The following RNF150 variants were observed in gnomAD, a reference collection of about 807,000 sequenced individuals.
The protein encoded by RNF150 is ring finger protein 150.
In RNF150, 24 loss-of-function variants were observed where a neutral mutation model predicts 39.3. That is an observed-to-expected ratio of 0.61 (90% CI 0.44 to 0.86). The LOEUF is 0.86. Among genes scored for constraint, RNF150 ranks in the 40% least tolerant of loss-of-function variants. The probability of loss-of-function intolerance (pLI) is 0.00; values close to 1 mark genes in which losing one functional copy is unlikely to be tolerated. For missense variants in RNF150, 502 were observed against 587.8 expected (o/e 0.85, Z 1.51); for synonymous variants, 255 against 227.3 (o/e 1.12, Z -1.10).
At chr4:141,192,199 G>A (rs1728121358) in intron 1 of RNF150, among the ~76,000 whole-genome samples, 1 of 152,064 alleles carries the variant, frequency 6.6e-6, no homozygotes. Flanking sequence ...CATGAGAAAA[G>A]GAAAATTAAT....
intron 1 of RNF150, among the ~76,000 whole-genome samples, chr4:140,987,633 T>C (rs1214507850): frequency 6.6e-6 from 1 of 152,090 alleles, no homozygotes; most frequent in African/African-American, 2.4e-5. Flanking sequence ...ATTAAAGATT[T>C]AAACATAAGA....
intron 1 of RNF150, among the ~76,000 whole-genome samples, chr4:141,102,604 T>A (rs946711634): frequency 1.3e-5 from 2 of 152,198 alleles, no homozygotes; most frequent in East Asian, 3.9e-4. Flanking sequence ...CAAACCACTC[T>A]ACAGACAGTC....
At chr4:141,093,360 C>A (rs1210153266) in intron 1 of RNF150, among the ~76,000 whole-genome samples, 2 of 125,716 alleles carry the variant, frequency 1.6e-5, no homozygotes. Context: ...AGCGAGACTC[C>A]ATCTCAAAAA....
intron 1 of RNF150, among the ~76,000 whole-genome samples, chr4:141,080,630 T>C (rs1313291078): frequency 6.6e-6 from 1 of 152,244 alleles, no homozygotes. Flanking sequence ...ATGTTTTTTG[T>C]TCTTTTCTGT....
At chr4:141,171,486 GAGA>G (rs1727722695) in intron 1 of RNF150, among the ~76,000 whole-genome samples, 2 of 150,632 alleles carry the variant, frequency 1.3e-5, no homozygotes, top group Admixed American at 6.6e-5. Flanking sequence ...GAGAGAGAGA[GAGA>G]GAGAAAGTGG....
chr4:140,915,532 C>T lies in RNF150; in HGVS notation c.988-4178G>A, dbSNP rs1439587335. Among the ~76,000 whole-genome samples, 3 of 152,166 alleles carry T rather than the reference C, an allele frequency of 2.0e-5. No individual in the cohort carries two copies. In the East Asian group the frequency reaches 5.8e-4, roughly 29 times the overall value. On this transcript the variant is annotated intron_variant, in intron 5 of 6. Coordinates refer to ENST00000515673, the MANE Select transcript of RNF150 (RefSeq NM_020724.2). ...GGGAGGCACAGAAGGTATCCATATG[C>T]CTTCATGCTTTGTGAGAAGTAGAAC...
chr4:140,954,881 C>A (rs1732691102), intron 2 of RNF150, among the ~76,000 whole-genome samples: 1 of 152,092 alleles, frequency 6.6e-6, no homozygotes. Flanking sequence ...AACATAGCAT[C>A]AAAACTGAGT....
chr4:140,970,205 C>T (rs1733410113), intron 1 of RNF150, among the ~76,000 whole-genome samples: 1 of 152,144 alleles, frequency 6.6e-6, no homozygotes, highest in Admixed American at 6.5e-5. Flanking sequence ...AACCTTACAG[C>T]TTTACTTTTT....
chr4:140,952,488 T>A (rs1370024134), intron 2 of RNF150, among the ~76,000 whole-genome samples: 1 of 152,232 alleles, frequency 6.6e-6, no homozygotes, highest in Admixed American at 6.5e-5. Flanking sequence ...GTTGGCTACA[T>A]CTGAATAAAA....
intron 6 of RNF150, among the ~76,000 whole-genome samples, chr4:140,906,302 TACTC>T (rs933042925): frequency 2.0e-5 from 3 of 150,824 alleles, no homozygotes; most frequent in Non-Finnish European, 3.0e-5. Flanking sequence ...GGCTCAAAAA[TACTC>T]AAGGAAAAAA....
At position 141,157,311 on chromosome 4, in the gene RNF150, C is replaced by T. The variant is rs541767046; in HGVS notation, c.-6+55483G>A. On this transcript the variant is annotated intron_variant, in intron 1 of 7. Coordinates refer to the RNF150 transcript ENST00000420921. ...AAAATGGCCATCCATACTGCTGCAC[C>T]GAAGAAGATGTCAGATCCCTTTGGC... 1.4e-4 allele frequency among the ~76,000 whole-genome samples: 21 copies of T among 152,218 alleles called. No individual in the cohort carries two copies. In the South Asian group the frequency reaches 4.2e-3, roughly 30 times the overall value.
Position 141,073,100 on chromosome 4 carries a change from A to G in RNF150, c.484+59225T>C, listed in dbSNP as rs1737766699. On this transcript the variant is annotated intron_variant, in intron 1 of 6. Transcript: ENST00000515673. ...CCTGATCAGCCATCATGTTAATCCCAGCTACATCAGGTGAGCCAGGGACAT... is the reference window on the plus strand; with the variant it reads ...CCTGATCAGCCATCATGTTAATCCCGGCTACATCAGGTGAGCCAGGGACAT... 2.0e-5 allele frequency among the ~76,000 whole-genome samples: 3 copies of G among 151,970 alleles called. No homozygotes were observed. The South Asian group carries it at 6.2e-4, about 32-fold the overall frequency.
rs1728769128 is a variant in RNF150 at position 140,867,774 on chromosome 4, T to C, written c.*487A>G. The C allele has an allele frequency of 6.5e-6, 1 of 153,858 alleles. No individual in the cohort carries two copies. Among genetic ancestry groups the C allele is most frequent in the African/African-American group, 2.4e-5 (1 of 41,438 alleles). 9.5% of individuals were successfully genotyped at this position (153,858 alleles called of 1,614,324 possible). On this transcript the variant is annotated 3_prime_UTR_variant, in exon 7 of 7. Coordinates refer to ENST00000515673, the MANE Select transcript of RNF150 (RefSeq NM_020724.2). ...TCAGAGATGGAATACAAACTGATCA[T>C]AGCAGGAACTGGTGCTTCTAAACAG...
intron 1 of RNF150, among the ~76,000 whole-genome samples, chr4:141,200,768 C>G (rs1275955122): frequency 6.6e-6 from 1 of 152,120 alleles, no homozygotes; most frequent in Non-Finnish European, 1.5e-5. Flanking sequence ...AAAGCATCAT[C>G]AAGAAAAATC....
At chr4:140,924,968 T>C (rs1255979269) in intron 5 of RNF150, among the ~76,000 whole-genome samples, 1 of 152,192 alleles carries the variant, frequency 6.6e-6, no homozygotes, top group Non-Finnish European at 1.5e-5. Context: ...AGATAATGCA[T>C]CTCTGGCATT....
At chr4:141,139,901 C>T (rs191464357) in intron 1 of RNF150, among the ~76,000 whole-genome samples, 124 of 152,310 alleles carry the variant, frequency 8.1e-4, no homozygotes, top group African/African-American at 2.8e-3. Context: ...CTCAGATATT[C>T]ATCATCTTGT....
rs147530715 is a variant in RNF150, at chr4:140,978,297, T to C, written c.485-10424A>G. Among the ~76,000 whole-genome samples, 471 of 152,284 alleles carry C rather than the reference T, an allele frequency of 3.1e-3. 20 individuals carry two copies. In the East Asian group the frequency reaches 0.069, roughly 22 times the overall value. The stretch of plus-strand genomic sequence containing the variant: ...TGCATTGTAATTTCACAACAGATCC[T>C]CTCAGTGTAGATTTGTCATTACAGT... On this transcript the variant is annotated intron_variant, in intron 1 of 6. Transcript: ENST00000515673.
chr4:140,924,551 G>A (rs1731311354), intron 5 of RNF150, among the ~76,000 whole-genome samples: 1 of 152,252 alleles, frequency 6.6e-6, no homozygotes, highest in Non-Finnish European at 1.5e-5. Context: ...GAACTGTCAG[G>A]ATTCTAAAGA....
At chr4:141,117,595 T>C (rs766140638) in intron 1 of RNF150, among the ~76,000 whole-genome samples, 2 of 152,226 alleles carry the variant, frequency 1.3e-5, no homozygotes, top group Non-Finnish European at 2.9e-5. Flanking sequence ...ACAATGTTCA[T>C]ACAACAATAA....
Sources: allele counts gnomAD v4.1 joint callset (sites outside exome capture counted in the v4.1 genomes callset), GRCh38; gene constraint gnomAD v4.1.1; transcripts MANE v1.5; gene names NCBI Gene and HGNC (gene_info 2026-07-23, HGNC 2026-07-21).